Variants in IYD observed in about 807,000 individuals in gnomAD.
The protein encoded by IYD is iodotyrosine deiodinase 1.
A neutral mutation model predicts 28.4 loss-of-function variants in IYD; 25 were observed. The observed-to-expected ratio is 0.88, with a 90% CI of 0.64 to 1.23. The LOEUF is 1.23. IYD is among the 50% of genes most tolerant of loss of function. IYD has a pLI of 0.00. For missense variants in IYD, 352 were observed against 357.9 expected (o/e 0.98, Z 0.13); for synonymous variants, 140 against 130.8 (o/e 1.07, Z -0.48).
chr6:150,369,245 C>G (rs371640386), intron 1 of IYD, 36 bp downstream of exon 1: 3 of 1,597,740 alleles, frequency 1.9e-6, no homozygotes, highest in Admixed American at 1.7e-5. Flanking sequence ...GCTTCGCTGT[C>G]GTGTTGTGTT....
chr6:150,383,869 G>A (rs906264151), intron 1 of IYD, among the ~76,000 whole-genome samples: 19 of 148,190 alleles, frequency 1.3e-4, no homozygotes, highest in African/African-American at 4.7e-4. Flanking sequence ...AAAAACCCTT[G>A]AAGTGGATTT....
chr6:150,387,570 G>A (rs1447735684), intron 1 of IYD, among the ~76,000 whole-genome samples: 1 of 151,790 alleles, frequency 6.6e-6, no homozygotes, highest in Non-Finnish European at 1.5e-5. Context: ...ATGATCAAAT[G>A]TATATTAGAC....
intron 4 of IYD, chr6:150,395,283 CT>C (rs1778268903): frequency 2.7e-6 from 2 of 738,314 alleles, no homozygotes; most frequent in South Asian, 1.9e-5. Flanking sequence ...AGTAACCATA[CT>C]TTTGAGAGAC....
At chr6:150,374,006 T>C (rs549293081) in intron 1 of IYD, among the ~76,000 whole-genome samples, 21 of 152,258 alleles carry the variant, frequency 1.4e-4, no homozygotes, top group African/African-American at 1.9e-4. Context: ...CAAGTCTGGG[T>C]GGGTTCCTAC....
Position 150,398,160 on chromosome 6 carries a change from G to C in IYD, c.793G>C (p.Val265Leu). 6.2e-7 allele frequency: 1 copy of C among 1,614,156 alleles called. No individual in the cohort carries two copies. Among genetic ancestry groups the C allele is most frequent in the Non-Finnish European group, 8.5e-7 (1 of 1,180,012 alleles). Residue 265 changes from valine to leucine, a missense_variant, in exon 5 of 5, where the codon GTG (valine) becomes CTG (leucine). By Grantham distance (32) the Val-to-Leu change is conservative. Transcript: ENST00000344419. ...TGAAAAGCTGCTGATGCTGCTCCCC[G>C]TGGGGTACCCCAGCAAGGAGGCCAC... ...AHEKLLMLLP[V>L]GYPSKEATVP...
chr6:150,378,962 C>T (rs1237924408), intron 1 of IYD, among the ~76,000 whole-genome samples: 1 of 152,216 alleles, frequency 6.6e-6, no homozygotes, highest in Non-Finnish European at 1.5e-5. Context: ...TGGTCATGCT[C>T]ATCGCTTCCA....
chr6:150,397,062 T>C (rs1419090228), intron 4 of IYD, among the ~76,000 whole-genome samples: 1 of 110,808 alleles, frequency 9.0e-6, no homozygotes, highest in Admixed American at 8.7e-5. Flanking sequence ...TTAATCAAGG[T>C]ATAGTATATG....
chr6:150,389,765 T>C lies in IYD; in HGVS notation c.370+222T>C, dbSNP rs191312871. The C allele has an allele frequency of 8.3e-5, 44 of 530,958 alleles. No individual in the cohort carries two copies. In the East Asian group the frequency reaches 1.4e-3, roughly 17 times the overall value. 32.9% of individuals were successfully genotyped at this position (530,958 alleles called of 1,614,324 possible). ...TTCTTGGAAGAAGATGTGACAATAG[T>C]TCAAAACTTCTGAAATTATTCAGTT... is the stretch of plus-strand genomic sequence containing the variant. On this transcript the variant is annotated intron_variant, in intron 2 of 4. Coordinates refer to ENST00000344419, the MANE Select transcript of IYD (RefSeq NM_203395.3).
At chr6:150,392,304 C>T (rs755158772) in intron 2 of IYD, 41 bp from the exon 3 acceptor site, 230 of 1,611,100 alleles carry the variant, frequency 1.4e-4, no homozygotes, top group Non-Finnish European at 1.9e-4. Context: ...CTCACACTTT[C>T]CTGCAGTTTT....
chr6:150,378,112 A>G (rs1214671467), intron 1 of IYD, among the ~76,000 whole-genome samples: 1 of 152,160 alleles, frequency 6.6e-6, no homozygotes, highest in East Asian at 1.9e-4. Context: ...TTCCACCTGG[A>G]GAATGGCCAA....
At chr6:150,370,542 G>A in intron 1 of IYD, 4 of 985,438 alleles carry the variant, frequency 4.1e-6, no homozygotes, top group Non-Finnish European at 4.8e-6. Context: ...CCGTACAGGA[G>A]TCTAGCCTCT....
chr6:150,383,168 T>C (rs1260062423), intron 1 of IYD, among the ~76,000 whole-genome samples: 1 of 152,204 alleles, frequency 6.6e-6, no homozygotes, highest in Non-Finnish European at 1.5e-5. Flanking sequence ...TGTGGTTCCC[T>C]GGATCACTCA....
At chr6:150,394,062 G>A (rs778450845) in intron 3 of IYD, 37 bp from the exon 4 acceptor site, 3 of 1,605,418 alleles carry the variant, frequency 1.9e-6, no homozygotes, top group Non-Finnish European at 2.6e-6. Context: ...CAAAAAATAT[G>A]GGCAAATATT....
chr6:150,389,067 T>C (rs1778012005), intron 1 of IYD, among the ~76,000 whole-genome samples: 1 of 152,102 alleles, frequency 6.6e-6, no homozygotes, highest in Non-Finnish European at 1.5e-5. Flanking sequence ...TGCAGTGGTG[T>C]GATGATAGCT....
chr6:150,396,889 A>AAAT (rs1224554860), intron 4 of IYD: 2 of 150,552 alleles, frequency 1.3e-5, no homozygotes, highest in Admixed American at 6.7e-5. Flanking sequence ...AAAAAAAAAA[A>AAAT]AATTAAGATT....
chr6:150,397,245 C>T (rs964906983), intron 4 of IYD, among the ~76,000 whole-genome samples: 1 of 151,918 alleles, frequency 6.6e-6, no homozygotes, highest in African/African-American at 2.4e-5. Context: ...AGATTCCAGG[C>T]AGATCACTGG....
intron 2 of IYD, among the ~76,000 whole-genome samples, chr6:150,389,995 G>T (rs1003369706): frequency 2.0e-5 from 3 of 151,896 alleles, no homozygotes; most frequent in Non-Finnish European, 4.4e-5. Flanking sequence ...TCATTAACTA[G>T]CAAAGTTTAC....
intron 2 of IYD, among the ~76,000 whole-genome samples, chr6:150,390,350 AT>A (rs1200804462): frequency 1.3e-5 from 2 of 152,328 alleles, no homozygotes; most frequent in Non-Finnish European, 1.5e-5. Context: ...CTGTATCTGT[AT>A]TTGTATATGT....
At chr6:150,372,913 T>TTA (rs2115014420) in intron 1 of IYD, among the ~76,000 whole-genome samples, 1 of 152,282 alleles carries the variant, frequency 6.6e-6, no homozygotes, top group African/African-American at 2.4e-5. Context: ...TTGCTGAAGT[T>TTA]TATCTCAAAG....
Sources: gnomAD v4.1 joint callset for allele counts (sites outside exome capture counted in the v4.1 genomes callset) on GRCh38, gnomAD v4.1.1 for gene constraint, MANE v1.5 for transcripts, NCBI Gene and HGNC (gene_info 2026-07-23, HGNC 2026-07-21) for gene names.